EXOC2: variants seen among roughly 807,000 people sequenced by gnomAD.
EXOC2 encodes the protein SEC5-like 1.
EXOC2 carries 70 observed loss-of-function variants against 131.8 expected under a neutral mutation model. The observed-to-expected ratio is 0.53, with a 90% CI of 0.44 to 0.65. The LOEUF (loss-of-function observed/expected upper bound fraction) is 0.65. Ranked by LOEUF, EXOC2 falls within the 30% of genes least tolerant of loss-of-function variation. The probability of loss-of-function intolerance (pLI) is 0.00; values close to 1 mark genes in which losing one functional copy is unlikely to be tolerated. For missense variants in EXOC2, 923 were observed against 1,108.6 expected (o/e 0.83, Z 2.38); for synonymous variants, 411 against 398.4 (o/e 1.03, Z -0.38).
intron 1 of EXOC2, chr6:669,103 C>A (rs1344769711): frequency 6.6e-6 from 1 of 152,342 alleles, no homozygotes; most frequent in Non-Finnish European, 1.5e-5. Flanking sequence ...GCATCCCACA[C>A]CCGGCTGATC....
intron 1 of EXOC2, among the ~76,000 whole-genome samples, chr6:673,524 G>A (rs4960179): frequency 6.6e-6 from 1 of 151,870 alleles, no homozygotes; most frequent in Non-Finnish European, 1.5e-5. Context: ...TAACAGATTC[G>A]TTAGGGTGAG....
In EXOC2 at chr6:486,796, G is replaced by A. The variant is rs140693177; in HGVS notation, c.2682-32C>T. The A allele has an allele frequency of 1.8e-4, 279 of 1,570,150 alleles. No individual in the cohort carries two copies. In the African/African-American group the frequency reaches 3.0e-3, roughly 17 times the overall value. Reference sequence around the variant, plus strand: ...GACGGAGACACTTGTTTTACAGCCCGACAGATGGGGCGGCCTAGCAACGCA... The same window carrying A: ...GACGGAGACACTTGTTTTACAGCCCAACAGATGGGGCGGCCTAGCAACGCA... On this transcript the variant is annotated intron_variant, in intron 27 of 27. Coordinates refer to ENST00000230449, the MANE Select transcript of EXOC2 (RefSeq NM_018303.6).
chr6:637,624 G>T, intron 2 of EXOC2, 77 bp downstream of exon 2: 1 of 1,154,718 alleles, frequency 8.7e-7, no homozygotes. Context: ...TTCACTGTTT[G>T]AAAATTACAT....
At chr6:678,995 A>C (rs941735126) in intron 1 of EXOC2, 25 of 152,242 alleles carry the variant, frequency 1.6e-4, no homozygotes, top group African/African-American at 5.5e-4. Context: ...ATATACATAT[A>C]ATTTTAATTA....
At chr6:505,003 T>A (rs916704264) in intron 23 of EXOC2, among the ~76,000 whole-genome samples, 1 of 152,210 alleles carries the variant, frequency 6.6e-6, no homozygotes, top group African/African-American at 2.4e-5. Context: ...CTTTCTGAAA[T>A]GCAAGGTATT....
At chr6:677,402 A>C (rs953660390) in intron 1 of EXOC2, among the ~76,000 whole-genome samples, 3 of 152,260 alleles carry the variant, frequency 2.0e-5, no homozygotes, top group African/African-American at 7.2e-5. Flanking sequence ...TCTTGCCTTT[A>C]TTTAAAATAT....
intron 6 of EXOC2, among the ~76,000 whole-genome samples, chr6:614,325 GACA>G (rs1470936674): frequency 2.0e-5 from 3 of 152,210 alleles, no homozygotes; most frequent in Middle Eastern, 3.2e-3. Context: ...TCCGGATCTG[GACA>G]ACAAGGTTTG....
At chr6:505,156 T>C (rs1489350962) in intron 23 of EXOC2, among the ~76,000 whole-genome samples, 2 of 152,054 alleles carry the variant, frequency 1.3e-5, no homozygotes, top group African/African-American at 4.8e-5. Flanking sequence ...AAAACACGAA[T>C]ACAACATGAA....
At chr6:537,939 A>G (rs1766564559) in intron 22 of EXOC2, among the ~76,000 whole-genome samples, 1 of 152,214 alleles carries the variant, frequency 6.6e-6, no homozygotes, top group Non-Finnish European at 1.5e-5. Flanking sequence ...CAAACAGGGC[A>G]CAAGGGAAGG....
At chr6:512,564 G>T (rs900287239) in intron 23 of EXOC2, among the ~76,000 whole-genome samples, 10 of 152,060 alleles carry the variant, frequency 6.6e-5, no homozygotes, top group African/African-American at 2.4e-4. Context: ...TTAAATTCTG[G>T]GGGTAAACAA....
intron 12 of EXOC2, among the ~76,000 whole-genome samples, chr6:575,133 A>G (rs2127598022): frequency 6.6e-6 from 1 of 152,364 alleles, no homozygotes; most frequent in African/African-American, 2.4e-5. Context: ...TGTCCTTGCA[A>G]TAATGAGTGA....
chr6:652,957 T>A (rs1762898932), intron 1 of EXOC2, among the ~76,000 whole-genome samples: 1 of 152,256 alleles, frequency 6.6e-6, no homozygotes, highest in South Asian at 2.1e-4. Context: ...TTGGTAATTC[T>A]TGCATTATCT....
chr6:538,620 G>A (rs1398933173), intron 22 of EXOC2, among the ~76,000 whole-genome samples: 1 of 152,090 alleles, frequency 6.6e-6, no homozygotes, highest in African/African-American at 2.4e-5. Context: ...AAAACACAGT[G>A]CCTCCTTTAA....
chr6:577,037 T>C (rs546303404), intron 11 of EXOC2, among the ~76,000 whole-genome samples, 155 bp from the exon 12 acceptor site: 4 of 152,250 alleles, frequency 2.6e-5, no homozygotes, highest in African/African-American at 9.6e-5. Context: ...GTATTTTCTC[T>C]AAACAGATTT....
intron 1 of EXOC2, among the ~76,000 whole-genome samples, chr6:649,763 G>A (rs1762748488): frequency 6.6e-6 from 1 of 152,174 alleles, no homozygotes. Context: ...ATATGAATAA[G>A]CCAGTTTAGC....
chr6:600,875 ATTT>A (rs1442187937), intron 7 of EXOC2, among the ~76,000 whole-genome samples: 1 of 152,168 alleles, frequency 6.6e-6, no homozygotes, highest in Non-Finnish European at 1.5e-5. Context: ...TGAGATTATA[ATTT>A]TTAATTTAGA....
At chr6:572,216 C>A (rs553103908) in intron 13 of EXOC2, among the ~76,000 whole-genome samples, 23 of 152,282 alleles carry the variant, frequency 1.5e-4, no homozygotes, top group African/African-American at 5.5e-4. Flanking sequence ...TATCTCAATT[C>A]GGAGTCCCTG....
At chr6:673,252 C>CAAAAAAAAAAAAAAAAAAAAAAAAAAAA (rs56189394) in intron 1 of EXOC2, among the ~76,000 whole-genome samples, 4 of 64,282 alleles carry the variant, frequency 6.2e-5, no homozygotes, top group African/African-American at 1.4e-4. Context: ...ACTCCATAGC[C>CAAAAAAAAAAAAAAAAAAAAAAAAAAAA]AAAAAAAAAA....
chr6:553,343 T>C (rs963285503), intron 21 of EXOC2, among the ~76,000 whole-genome samples: 4 of 152,160 alleles, frequency 2.6e-5, no homozygotes, highest in Admixed American at 2.6e-4. Context: ...TGTGTGTATA[T>C]ATACATATGT....
Sources: gnomAD v4.1 joint callset for allele counts (sites outside exome capture counted in the v4.1 genomes callset) on GRCh38, gnomAD v4.1.1 for gene constraint, MANE v1.5 for transcripts, NCBI Gene and HGNC (gene_info 2026-07-23, HGNC 2026-07-21) for gene names.